ZNF106: variants seen among roughly 807,000 people sequenced by gnomAD.
The protein encoded by ZNF106 is SH3-domain binding protein 3.
Under a neutral mutation model 195.1 loss-of-function variants are expected in ZNF106, and 67 were observed. That is an observed-to-expected ratio of 0.34 (90% CI 0.28 to 0.42). ZNF106 has a LOEUF of 0.42. Among genes scored for constraint, ZNF106 ranks in the 10% least tolerant of loss-of-function variants. The pLI is 1.00. For synonymous variants in ZNF106, 784 were observed against 818.6 expected, an observed-to-expected ratio of 0.96 and a Z score of 0.72; for missense variants, 2,118 against 2,304.5, an observed-to-expected ratio of 0.92 and a Z score of 1.66.
chr15:42,461,533 C>T (rs535482414), intron 3 of ZNF106, among the ~76,000 whole-genome samples: 5 of 152,284 alleles, frequency 3.3e-5, no homozygotes, highest in Admixed American at 6.5e-5. Flanking sequence ...AGGTTTGTGC[C>T]TTTTTAATAG....
At chr15:42,463,771 G>T (rs1476243717) in intron 3 of ZNF106, among the ~76,000 whole-genome samples, 1 of 152,102 alleles carries the variant, frequency 6.6e-6, no homozygotes, top group African/African-American at 2.4e-5. Flanking sequence ...CGGCACCCCA[G>T]CCTGGTGACA....
intron 16 of ZNF106, 91 bp from the exon 17 acceptor site, chr15:42,424,151 AT>A: frequency 8.6e-7 from 1 of 1,160,760 alleles, no homozygotes; most frequent in African/African-American, 1.6e-5. Flanking sequence ...TCTAATTTCC[AT>A]CCTATTTTGA....
intron 9 of ZNF106, 93 bp from the exon 10 acceptor site, chr15:42,442,507 A>G: frequency 1.9e-6 from 2 of 1,047,240 alleles, no homozygotes; most frequent in Non-Finnish European, 2.7e-6. Context: ...AACATTAGAA[A>G]AGAATTATAA....
chr15:42,473,426 G>A (rs2617237), intron 1 of ZNF106, among the ~76,000 whole-genome samples: 106,518 of 152,026 alleles, frequency 0.7, 37,873 homozygotes, highest in East Asian at 0.81. Flanking sequence ...CTATCATTCT[G>A]GTGCACTTGC....
chr15:42,468,239 G>A (rs949753569), intron 2 of ZNF106, among the ~76,000 whole-genome samples: 1 of 151,380 alleles, frequency 6.6e-6, no homozygotes, highest in South Asian at 2.1e-4. Context: ...ACTATGCCCA[G>A]CTAATTTTTT....
intron 21 of ZNF106, among the ~76,000 whole-genome samples, 154 bp downstream of exon 21, chr15:42,417,651 T>G (rs2054506717): frequency 6.6e-6 from 1 of 152,182 alleles, no homozygotes; most frequent in Non-Finnish European, 1.5e-5. Context: ...ATTTGCAACT[T>G]CATTAAGCTA....
rs1269287406 is a variant in ZNF106 at position 42,449,843 on chromosome 15, C to T, written c.2429G>A (p.Arg810Lys). 6.2e-7 allele frequency: 1 copy of T among 1,614,058 alleles called. No homozygotes were observed. The highest frequency in any genetic ancestry group is 8.5e-7 in the Non-Finnish European group (1 of 1,180,030). ...TLRQILNASR[R>K]NVNWEQVIQQ... ...AATGACCTGTTCCCAGTTGACATTTCTCCGAGATGCATTTAGAATCTGCCG... is the reference window on the plus strand; with the variant it reads ...AATGACCTGTTCCCAGTTGACATTTTTCCGAGATGCATTTAGAATCTGCCG... The change falls in exon 5 of 22, where the codon AGA becomes AAA. Residue 810 changes from arginine to lysine, a missense_variant. Arg to Lys is a conservative substitution (Grantham distance 26, BLOSUM62 2). Coordinates refer to ENST00000564754, the MANE Select transcript of ZNF106 (RefSeq NM_001366845.3).
intron 13 of ZNF106, 139 bp from the exon 14 acceptor site, chr15:42,435,657 G>A: frequency 3.0e-6 from 3 of 1,007,478 alleles, no homozygotes; most frequent in Non-Finnish European, 2.9e-6. Context: ...GTACACAAAA[G>A]ATGCTCAGTA....
rs942733528 is a variant in ZNF106, at chr15:42,485,129, G to A, written c.-33+5851C>T. On this transcript the variant is annotated intron_variant, in intron 1 of 21. Transcript: ENST00000564754. ...ATGCCACTGCACTCCAGCCTGGGGGGTCAGAGTGAGACCTTACCTCAGAAA... is the reference window on the plus strand; with the variant it reads ...ATGCCACTGCACTCCAGCCTGGGGGATCAGAGTGAGACCTTACCTCAGAAA... 2.0e-5 allele frequency among the ~76,000 whole-genome samples: 3 copies of A among 152,216 alleles called. No homozygotes were observed. The East Asian group carries it at 5.8e-4, about 29-fold the overall frequency.
At chr15:42,460,678 C>T (rs755399819) in intron 3 of ZNF106, among the ~76,000 whole-genome samples, 6 of 152,148 alleles carry the variant, frequency 3.9e-5, no homozygotes, top group East Asian at 1.9e-4. Context: ...CTGACCAACA[C>T]GGAGAAACCC....
chr15:42,416,225 G>A lies in ZNF106; in HGVS notation c.*1079C>T, dbSNP rs1481086426. ...AGCAGGGAAGTGAAGGCAAAGAACTGTCTCAGAAACAAGTCTCTAGGAAGT... is the reference window on the plus strand; with the variant it reads ...AGCAGGGAAGTGAAGGCAAAGAACTATCTCAGAAACAAGTCTCTAGGAAGT... On this transcript the variant is annotated 3_prime_UTR_variant, in exon 22 of 22. Transcript: ENST00000564754. 1.3e-5 allele frequency: 2 copies of A among 152,196 alleles called. No individual in the cohort carries two copies. The highest frequency in any genetic ancestry group is 3.8e-4 in the East Asian group (2 of 5,198). 9.4% of individuals were successfully genotyped at this position (152,196 alleles called of 1,614,324 possible). A position where few individuals can be genotyped will look rare whatever the true frequency, so the allele number is the denominator to read the frequency against.
rs2055518746 is a variant in ZNF106 at position 42,441,106 on chromosome 15, G to A, written c.3763+967C>T. 2.2e-5 allele frequency among the ~76,000 whole-genome samples: 3 copies of A among 135,342 alleles called. No individual in the cohort carries two copies. In the South Asian group the frequency reaches 7.5e-4, roughly 34 times the overall value. The allele number at this position is 135,342 out of a possible 152,430, so 88.8% of individuals were successfully genotyped here. Reference sequence around the variant, plus strand: ...TCTGAGCACTTTGGGAGGCCAAGGCGGGTGGATCACTTGAGCCCAGGAGAT... The same window carrying A: ...TCTGAGCACTTTGGGAGGCCAAGGCAGGTGGATCACTTGAGCCCAGGAGAT... On this transcript the variant is annotated intron_variant, in intron 10 of 21. Transcript: ENST00000564754.
intron 3 of ZNF106, chr15:42,457,393 G>A (rs2056264124): frequency 2.2e-6 from 3 of 1,389,164 alleles, no homozygotes; most frequent in Admixed American, 6.7e-5. Flanking sequence ...TCAGATAAAT[G>A]TCGTTTAGGA....
intron 1 of ZNF106, among the ~76,000 whole-genome samples, chr15:42,473,650 C>T (rs1225456876): frequency 1.3e-5 from 2 of 152,146 alleles, no homozygotes; most frequent in Non-Finnish European, 2.9e-5. Context: ...CCCACCTCTC[C>T]ACATAGTTCC....
intron 1 of ZNF106, among the ~76,000 whole-genome samples, chr15:42,473,213 C>A (rs907415468): frequency 1.3e-5 from 2 of 152,098 alleles, no homozygotes; most frequent in African/African-American, 4.8e-5. Flanking sequence ...CGCAAATATT[C>A]CAAGATCCGA....
At chr15:42,457,484 G>A (rs181495915) in intron 3 of ZNF106, 1 of 1,188,902 alleles carries the variant, frequency 8.4e-7, no homozygotes, top group Non-Finnish European at 1.0e-6. Flanking sequence ...AGGGGGCTCA[G>A]AGCAAGCAGA....
intron 10 of ZNF106, chr15:42,441,858 AT>A (rs1469229654): frequency 1.5e-5 from 6 of 407,228 alleles, no homozygotes; most frequent in Non-Finnish European, 1.3e-5. Context: ...CTAACCCTAG[AT>A]TAGAGGAAAT....
chr15:42,460,857 T>C (rs866048362), intron 3 of ZNF106, among the ~76,000 whole-genome samples: 176 of 119,210 alleles, frequency 1.5e-3, no homozygotes, highest in South Asian at 4.9e-3. Context: ...CAAAACTCCG[T>C]CTCAAAAAAA....
At chr15:42,458,802 T>TA (rs2056312973) in intron 3 of ZNF106, among the ~76,000 whole-genome samples, 1 of 151,632 alleles carries the variant, frequency 6.6e-6, no homozygotes, top group African/African-American at 2.4e-5. Flanking sequence ...TTTTTTTTTT[T>TA]AAATGAATAT....
Sources: allele counts gnomAD v4.1 joint callset (sites outside exome capture counted in the v4.1 genomes callset), GRCh38; gene constraint gnomAD v4.1.1; transcripts MANE v1.5; gene names NCBI Gene and HGNC (gene_info 2026-07-23, HGNC 2026-07-21).